The following ESRRB variants were observed in gnomAD, a reference collection of about 807,000 sequenced individuals.
ESRRB encodes the protein steroid hormone receptor ERR2.
Under a neutral mutation model 46.0 loss-of-function variants are expected in ESRRB, and 16 were observed. That is an observed-to-expected ratio of 0.35 (90% CI 0.24 to 0.53). ESRRB has a LOEUF of 0.53. ESRRB is among the 20% of genes least tolerant of loss of function. The probability of loss-of-function intolerance (pLI) is 0.93; values close to 1 mark genes in which losing one functional copy is unlikely to be tolerated. For synonymous variants in ESRRB, 246 were observed against 259.6 expected, an observed-to-expected ratio of 0.95 and a Z score of 0.50; for missense variants, 488 against 607.4, an observed-to-expected ratio of 0.80 and a Z score of 2.07.
intron 1 of ESRRB, among the ~76,000 whole-genome samples, chr14:76,352,991 C>A (rs577645222): frequency 1.3e-5 from 2 of 151,146 alleles, no homozygotes; most frequent in Non-Finnish European, 3.0e-5. Flanking sequence ...TCCTGCGGGC[C>A]GCGCGCAGGG....
intron 3 of ESRRB, among the ~76,000 whole-genome samples, chr14:76,468,669 C>A (rs1889232449): frequency 6.6e-6 from 1 of 152,076 alleles, no homozygotes; most frequent in African/African-American, 2.4e-5. Context: ...GTTACTTAAA[C>A]CCCTGTAAGC....
At chr14:76,462,739 CA>C in intron 3 of ESRRB, 78 bp downstream of exon 3, 1 of 1,075,536 alleles carries the variant, frequency 9.3e-7, no homozygotes. Flanking sequence ...GAGACACCCA[CA>C]AGCTGTGGAC....
At chr14:76,430,742 G>A (rs545510973) in intron 1 of ESRRB, among the ~76,000 whole-genome samples, 11 of 152,324 alleles carry the variant, frequency 7.2e-5, no homozygotes, top group African/African-American at 2.2e-4. Flanking sequence ...GAACTGGCAC[G>A]TCTGCTACCA....
At chr14:76,460,312 G>A (rs1032039942) in intron 2 of ESRRB, among the ~76,000 whole-genome samples, 1 of 152,172 alleles carries the variant, frequency 6.6e-6, no homozygotes, top group Non-Finnish European at 1.5e-5. Context: ...TACAGGGTGG[G>A]ACAGGAGATC....
At chr14:76,456,073 CACACAA>C (rs1249893115) in intron 2 of ESRRB, among the ~76,000 whole-genome samples, 1 of 122,952 alleles carries the variant, frequency 8.1e-6, no homozygotes, top group Non-Finnish European at 1.8e-5. Context: ...CACACACACA[CACACAA>C]AAGAAAGAAA....
chr14:76,318,239 T>A (rs1326563741), intron 1 of ESRRB, among the ~76,000 whole-genome samples: 1 of 152,150 alleles, frequency 6.6e-6, no homozygotes, highest in Non-Finnish European at 1.5e-5. Flanking sequence ...CTAAAAGTCC[T>A]TTAGCAGAGT....
chr14:76,335,513 G>A (rs1884115324), intron 1 of ESRRB, among the ~76,000 whole-genome samples: 1 of 152,234 alleles, frequency 6.6e-6, no homozygotes, highest in South Asian at 2.1e-4. Context: ...ACTGGATGCT[G>A]TGGTTGCAGT....
intron 1 of ESRRB, among the ~76,000 whole-genome samples, chr14:76,356,046 T>C (rs1265532621): frequency 6.6e-6 from 1 of 152,144 alleles, no homozygotes; most frequent in Non-Finnish European, 1.5e-5. Flanking sequence ...GAGGGAGCCA[T>C]GGGGAGCTGG....
At chr14:76,334,197 G>A (rs942057845) in intron 1 of ESRRB, among the ~76,000 whole-genome samples, 33 of 152,220 alleles carry the variant, frequency 2.2e-4, no homozygotes. Flanking sequence ...GGAAGCCAGA[G>A]GGGCCTGGGT....
intron 1 of ESRRB, among the ~76,000 whole-genome samples, chr14:76,397,249 C>A (rs527393690): frequency 1.4e-3 from 206 of 152,290 alleles, no homozygotes; most frequent in African/African-American, 4.8e-3. Context: ...GGGCCTGAGC[C>A]CCCCATCTTA....
At position 76,423,617 on chromosome 14, in the gene ESRRB, G is replaced by A. The variant is rs554670992; in HGVS notation, c.51-15724G>A. ...TTGATCCTGTCCTGTGACTCAGACC[G>A]GTGACTGTCACATCCTGAGGGAGTG... On this transcript the variant is annotated intron_variant, in intron 1 of 6. Coordinates refer to ENST00000644823, the MANE Select transcript of ESRRB (RefSeq NM_001379180.1). Among the ~76,000 whole-genome samples the A allele has an allele frequency of 4.6e-5, 7 of 152,204 alleles. No individual in the cohort carries two copies. In the South Asian group the frequency reaches 1.0e-3, roughly 23 times the overall value.
chr14:76,492,081 C>T (rs1289039744), intron 6 of ESRRB, among the ~76,000 whole-genome samples: 1 of 152,252 alleles, frequency 6.6e-6, no homozygotes, highest in Non-Finnish European at 1.5e-5. Flanking sequence ...ACAGTCCCTA[C>T]TCTACAAGGC....
At chr14:76,367,838 C>G (rs1009110437), upstream of ESRRB, among the ~76,000 whole-genome samples, 1 of 152,144 alleles carries the variant, frequency 6.6e-6, no homozygotes, top group Non-Finnish European at 1.5e-5. Flanking sequence ...ACAACCCATC[C>G]CTCCTTGTCC....
intron 1 of ESRRB, among the ~76,000 whole-genome samples, chr14:76,435,908 TG>T (rs1199989857): frequency 6.6e-6 from 1 of 152,156 alleles, no homozygotes. Context: ...CCTCCTGAGT[TG>T]GGACTCAGGC....
At chr14:76,340,627 C>T (rs1033929811) in intron 1 of ESRRB, among the ~76,000 whole-genome samples, 1 of 152,232 alleles carries the variant, frequency 6.6e-6, no homozygotes, top group East Asian at 1.9e-4. Context: ...TTTCTTCCTT[C>T]CTTGTCCATC....
rs547575971 is a variant in ESRRB at position 76,407,223 on chromosome 14, G to A, written c.50+30772G>A. ...CAGTCGGTTGGGGGCAGAGACCAGC[G>A]ATCTGAATTTAACAAACTCTTTGGG... On this transcript the variant is annotated intron_variant, in intron 1 of 6. Transcript: ENST00000644823. Among the ~76,000 whole-genome samples the A allele has an allele frequency of 5.9e-5, 9 of 152,318 alleles. No individual in the cohort carries two copies. In the South Asian group the frequency reaches 8.3e-4, roughly 14 times the overall value.
chr14:76,484,993 C>T (rs1359220436), intron 5 of ESRRB, among the ~76,000 whole-genome samples: 1 of 152,170 alleles, frequency 6.6e-6, no homozygotes, highest in Non-Finnish European at 1.5e-5. Flanking sequence ...TAATAAAAGC[C>T]TCCTTTCATG....
intron 2 of ESRRB, among the ~76,000 whole-genome samples, chr14:76,450,837 C>CT (rs770102206): frequency 6.6e-6 from 1 of 152,184 alleles, no homozygotes; most frequent in Non-Finnish European, 1.5e-5. Context: ...AGCCAACTGG[C>CT]TGACCTTGGG....
intron 1 of ESRRB, among the ~76,000 whole-genome samples, chr14:76,430,639 G>A (rs192918301): frequency 6.6e-6 from 1 of 152,318 alleles, no homozygotes. Context: ...ACTCTGTGAA[G>A]GAGGTGCTGT....
Sources: gnomAD v4.1 joint callset for allele counts (sites outside exome capture counted in the v4.1 genomes callset) on GRCh38, gnomAD v4.1.1 for gene constraint, MANE v1.5 for transcripts, NCBI Gene and HGNC (gene_info 2026-07-23, HGNC 2026-07-21) for gene names.